CNTN4: variants seen among roughly 807,000 people sequenced by gnomAD.
CNTN4 encodes contactin 4.
CNTN4 carries 77 observed loss-of-function variants against 122.5 expected under a neutral mutation model. The observed-to-expected ratio is 0.63, with a 90% CI of 0.52 to 0.76. The LOEUF (loss-of-function observed/expected upper bound fraction) is 0.76. Ranked by LOEUF, CNTN4 falls within the 30% of genes least tolerant of loss-of-function variation. The pLI, the probability that CNTN4 is intolerant of heterozygous loss-of-function variation, is 0.00. For synonymous variants in CNTN4, 512 were observed against 447.0 expected, an observed-to-expected ratio of 1.15 and a Z score of -1.83; for missense variants, 1,256 against 1,259.1, an observed-to-expected ratio of 1.00 and a Z score of 0.04.
chr3:2,434,818 C>A (rs1381290702), intron 3 of CNTN4, among the ~76,000 whole-genome samples: 1 of 152,078 alleles, frequency 6.6e-6, no homozygotes, highest in African/African-American at 2.4e-5. Flanking sequence ...TTTGGAGCAT[C>A]ACTCCTGCCT....
chr3:2,927,858 G>A (rs960284025), intron 13 of CNTN4, among the ~76,000 whole-genome samples: 1 of 152,126 alleles, frequency 6.6e-6, no homozygotes, highest in African/African-American at 2.4e-5. Context: ...CACCTTCTCT[G>A]TCAGCAGGCT....
chr3:2,546,039 A>T (rs1239633924), intron 3 of CNTN4, among the ~76,000 whole-genome samples: 2 of 152,126 alleles, frequency 1.3e-5, no homozygotes, highest in Non-Finnish European at 1.5e-5. Flanking sequence ...AGGTTGCAGG[A>T]AAAAAGGGAA....
chr3:2,543,244 G>A (rs73805324), intron 3 of CNTN4, among the ~76,000 whole-genome samples: 2,794 of 152,118 alleles, frequency 0.018, 85 homozygotes, highest in African/African-American at 0.063. Flanking sequence ...AGAACTAAGC[G>A]CCTGACCTTA....
chr3:2,917,555 A>G (rs967689047), intron 12 of CNTN4, among the ~76,000 whole-genome samples: 2 of 152,120 alleles, frequency 1.3e-5, no homozygotes, highest in Non-Finnish European at 2.9e-5. Context: ...TAGGGATCAC[A>G]TTTTCAGTGG....
chr3:2,262,627 G>C (rs868369633), intron 2 of CNTN4, among the ~76,000 whole-genome samples: 1 of 29,838 alleles, frequency 3.4e-5, no homozygotes, highest in African/African-American at 8.2e-5. Context: ...TTGCTGTTCC[G>C]TGTTTTTTTT....
At chr3:2,530,311 T>TC (rs1016558701) in intron 3 of CNTN4, among the ~76,000 whole-genome samples, 2 of 139,252 alleles carry the variant, frequency 1.4e-5, no homozygotes, top group African/African-American at 5.6e-5. Context: ...CTCCTCTTCT[T>TC]TTTTTTTTTT....
intron 14 of CNTN4, among the ~76,000 whole-genome samples, chr3:3,018,053 AT>A (rs1241152024): frequency 2.0e-5 from 3 of 152,184 alleles, no homozygotes; most frequent in African/African-American, 4.8e-5. Flanking sequence ...TGGTGTTTCC[AT>A]TTGTTTGTTT....
chr3:2,222,784 G>A (rs1041706436), intron 2 of CNTN4, among the ~76,000 whole-genome samples: 4 of 152,010 alleles, frequency 2.6e-5, no homozygotes, highest in African/African-American at 9.7e-5. Flanking sequence ...TGAAAAGAAT[G>A]CTGAGATATA....
At chr3:2,601,471 T>A (rs1432258851) in intron 4 of CNTN4, among the ~76,000 whole-genome samples, 7 of 152,190 alleles carry the variant, frequency 4.6e-5, no homozygotes, top group Non-Finnish European at 8.8e-5. Context: ...CTTTCCTCAT[T>A]CCTTGTTTTT....
chr3:2,647,715 C>T (rs1261476671), intron 4 of CNTN4, among the ~76,000 whole-genome samples: 1 of 152,072 alleles, frequency 6.6e-6, no homozygotes, highest in Non-Finnish European at 1.5e-5. Flanking sequence ...GACATATTTC[C>T]TCACAAACAG....
chr3:2,346,061 A>T (rs967049028), intron 3 of CNTN4, among the ~76,000 whole-genome samples: 3 of 151,874 alleles, frequency 2.0e-5, no homozygotes, highest in Non-Finnish European at 4.4e-5. Flanking sequence ...AGGGAATTGA[A>T]TTTTTTTGCA....
intron 2 of CNTN4, among the ~76,000 whole-genome samples, chr3:2,318,695 C>T (rs1303480196): frequency 6.6e-6 from 1 of 152,130 alleles, no homozygotes; most frequent in Admixed American, 6.5e-5. Context: ...GTCACCCAGG[C>T]CAGAGTGCAG....
At chr3:2,600,816 A>G (rs1040403627) in intron 4 of CNTN4, among the ~76,000 whole-genome samples, 6 of 152,094 alleles carry the variant, frequency 3.9e-5, no homozygotes, top group Admixed American at 6.5e-5. Context: ...CAGTCCCACC[A>G]ACAGTGTAAA....
intron 6 of CNTN4, among the ~76,000 whole-genome samples, chr3:2,807,617 G>T (rs2092500866): frequency 6.6e-6 from 1 of 152,112 alleles, no homozygotes; most frequent in Non-Finnish European, 1.5e-5. Flanking sequence ...AAACAAAGCT[G>T]TTACTCCCCA....
chr3:2,382,866 G>C (rs1316347062), intron 3 of CNTN4, among the ~76,000 whole-genome samples: 1 of 152,094 alleles, frequency 6.6e-6, no homozygotes, highest in Non-Finnish European at 1.5e-5. Flanking sequence ...CTGAGGTCAG[G>C]AGTTCGAGAC....
rs144915180 is a variant in CNTN4, at chr3:2,222,164, G to C, written c.-144-117014G>C. ...GAATCAACCCAGATGTTCATTAACT[G>C]ATAAGTTAGTACACGAAATGTGTTT... On this transcript the variant is annotated intron_variant, in intron 2 of 24. Transcript: ENST00000418658. Among the ~76,000 whole-genome samples the C allele has an allele frequency of 1.9e-3, 291 of 152,286 alleles. 2 individuals are homozygous for C. Among genetic ancestry groups the C allele is most frequent in the African/African-American group, 6.7e-3 (277 of 41,562 alleles).
chr3:2,952,589 C>G (rs1193711711), intron 13 of CNTN4, among the ~76,000 whole-genome samples: 1 of 152,100 alleles, frequency 6.6e-6, no homozygotes, highest in East Asian at 1.9e-4. Context: ...CTTTGATTGA[C>G]AGTATATAGT....
At chr3:2,680,827 C>T (rs2085125370) in intron 4 of CNTN4, among the ~76,000 whole-genome samples, 2 of 152,136 alleles carry the variant, frequency 1.3e-5, no homozygotes, top group Non-Finnish European at 2.9e-5. Flanking sequence ...AAGGAAATAA[C>T]AGTAACAGTA....
At position 3,034,809 on chromosome 3, in the gene CNTN4, G is replaced by T; in HGVS notation, c.1942+19G>T. On this transcript the variant is annotated intron_variant, in intron 17 of 24. Coordinates refer to ENST00000418658, the MANE Select transcript of CNTN4 (RefSeq NM_175607.3). The stretch of plus-strand genomic sequence containing the variant: ...AGTACAGGTACCATATTGGATGCTT[G>T]GCTCAGAGACATTGGGAACTCAGCA... The T allele has an allele frequency of 5.6e-6, 9 of 1,613,876 alleles. No homozygotes were observed. The highest frequency in any genetic ancestry group is 7.6e-6 in the Non-Finnish European group (9 of 1,179,820).
Sources: gnomAD v4.1 joint callset for allele counts (sites outside exome capture counted in the v4.1 genomes callset) on GRCh38, gnomAD v4.1.1 for gene constraint, MANE v1.5 for transcripts, NCBI Gene and HGNC (gene_info 2026-07-23, HGNC 2026-07-21) for gene names.